The following SIRT4 variants were observed in gnomAD, a reference collection of about 807,000 sequenced individuals.
The protein encoded by SIRT4 is sirtuin 4, also known as NAD-dependent protein lipoamidase sirtuin-4, mitochondrial.
In SIRT4, 23 loss-of-function variants were observed where a neutral mutation model predicts 26.1. The observed-to-expected ratio is 0.88, with a 90% CI of 0.63 to 1.25. The LOEUF is 1.25. Among genes scored for constraint, SIRT4 ranks in the 50% most tolerant of loss-of-function variants. The pLI is 0.00. For missense variants in SIRT4, 361 were observed against 405.4 expected (o/e 0.89, Z 0.94); for synonymous variants, 155 against 158.4 (o/e 0.98, Z 0.16).
chr12:120,292,226 C>T, the SIRT4 span, among the ~76,000 whole-genome samples: 1 of 152,116 alleles, frequency 6.6e-6, no homozygotes, highest in African/African-American at 2.4e-5. Flanking sequence ...CGCAGACGGA[C>T]GACTAGCTGT....
chr12:120,307,048 A>G (rs1163709445), intron 2 of SIRT4, among the ~76,000 whole-genome samples: 1 of 152,180 alleles, frequency 6.6e-6, no homozygotes, highest in Non-Finnish European at 1.5e-5. Context: ...TTGGAGACTT[A>G]TTTCTTTAAG....
intron 2 of SIRT4, among the ~76,000 whole-genome samples, chr12:120,308,258 C>G (rs890619940): frequency 3.3e-5 from 5 of 150,738 alleles, no homozygotes; most frequent in Non-Finnish European, 7.4e-5. Flanking sequence ...CAACCTCCGC[C>G]TCCTGGGTTC....
intron 2 of SIRT4, among the ~76,000 whole-genome samples, chr12:120,309,717 T>TC (rs1193726197): frequency 2.6e-4 from 38 of 145,198 alleles, no homozygotes; most frequent in African/African-American, 8.6e-4. Context: ...CCGCTTTCTT[T>TC]TTTTTTTTTT....
At chr12:120,296,756 C>T in the SIRT4 span, among the ~76,000 whole-genome samples, 1 of 151,550 alleles carries the variant, frequency 6.6e-6, no homozygotes, top group African/African-American at 2.4e-5. Flanking sequence ...GTGATCCGCC[C>T]GCCTCGGCCT....
At chr12:120,305,357 C>G (rs1179174855) in intron 2 of SIRT4, among the ~76,000 whole-genome samples, 1 of 151,822 alleles carries the variant, frequency 6.6e-6, no homozygotes, top group Non-Finnish European at 1.5e-5. Flanking sequence ...CTCAAGTGAT[C>G]CTTTCACCCC....
Position 120,312,843 on chromosome 12 carries a change from G to C in SIRT4, c.793-41G>C, listed in dbSNP as rs200508023. On this transcript the variant is annotated intron_variant, in intron 3 of 3. Coordinates refer to ENST00000202967, the MANE Select transcript of SIRT4 (RefSeq NM_012240.3). ...TTTGGTTTAACTTTTTCTAGATCTA[G>C]AGAACCTAGACATTCTTATGTGTGT... 103 of 1,611,074 alleles carry C rather than the reference G, an allele frequency of 6.4e-5. 1 individual carries two copies. The African/African-American group carries it at 1.2e-3, about 19-fold the overall frequency.
the SIRT4 span, among the ~76,000 whole-genome samples, chr12:120,295,639 C>A: frequency 6.6e-6 from 1 of 151,502 alleles, no homozygotes; most frequent in Non-Finnish European, 1.5e-5. Flanking sequence ...GGTTTGGACA[C>A]CTTAATTCAA....
chr12:120,292,061 CCCGTGTCAAA>C, the SIRT4 span, among the ~76,000 whole-genome samples: 1 of 152,164 alleles, frequency 6.6e-6, no homozygotes, highest in Non-Finnish European at 1.5e-5. Flanking sequence ...GTTGGAACAT[CCCGTGTCAAA>C]CATTCAGGTT....
chr12:120,294,325 C>T, the SIRT4 span, among the ~76,000 whole-genome samples: 2 of 146,654 alleles, frequency 1.4e-5, no homozygotes, highest in Non-Finnish European at 3.0e-5. Flanking sequence ...TTTTTTGAGA[C>T]GAAGTTTTGC....
At chr12:120,310,332 C>T (rs1872911346) in intron 2 of SIRT4, among the ~76,000 whole-genome samples, 1 of 152,036 alleles carries the variant, frequency 6.6e-6, no homozygotes, top group African/African-American at 2.4e-5. Flanking sequence ...CGCCATTGCA[C>T]TCCAGCCTGG....
Position 120,303,982 on chromosome 12 carries a change from G to C in SIRT4, c.421G>C (p.Val141Leu), listed in dbSNP as rs1301728475. Residue 141 changes from valine to leucine, a missense_variant, in exon 2 of 4, where the codon GTG (valine) becomes CTG (leucine). By Grantham distance (32) the Val-to-Leu change is conservative. Transcript: ENST00000202967. ...GAAACTCGGAAAGCTGTACTGGTTG[G>C]TGACCCAAAATGTGGATGCTTTGCA... ...WEKLGKLYWL[V>L]TQNVDALHTK... 2.5e-6 allele frequency: 4 copies of C among 1,614,002 alleles called. No homozygotes were observed. Among genetic ancestry groups the C allele is most frequent in the Non-Finnish European group, 3.4e-6 (4 of 1,180,044 alleles).
chr12:120,304,635 AAAAAAAAG>A (rs896759509), intron 2 of SIRT4, among the ~76,000 whole-genome samples: 2 of 150,698 alleles, frequency 1.3e-5, no homozygotes, highest in African/African-American at 4.9e-5. Flanking sequence ...CAACAGTGCA[AAAAAAAAG>A]AAAAAAAGAA....
the SIRT4 span, among the ~76,000 whole-genome samples, chr12:120,293,475 C>A: frequency 1.3e-5 from 2 of 152,162 alleles, no homozygotes; most frequent in African/African-American, 4.8e-5. Context: ...AGACTTAATT[C>A]AGAGACTGCG....
Position 120,303,883 on chromosome 12 carries a change from A to G in SIRT4, c.322A>G (p.Arg108Gly). The G allele has an allele frequency of 6.2e-7, 1 of 1,614,204 alleles. No individual in the cohort carries two copies. The highest frequency in any genetic ancestry group is 8.5e-7 in the Non-Finnish European group (1 of 1,180,034). Residue 108 changes from arginine (R) to glycine (G), a missense_variant, in exon 2 of 4, where the codon AGA (arginine) becomes GGA (glycine). Arg to Gly is a moderately radical substitution (Grantham distance 125). Transcript: ENST00000202967. The part of the protein sequence containing the change: ...SAPIRQRYWA[R>G]NFVGWPQFSS... ...CCCAATCCGCCAGCGGTACTGGGCG[A>G]GAAACTTCGTAGGCTGGCCTCAATT... is the stretch of plus-strand genomic sequence containing the variant.
At chr12:120,311,388 A>C (rs1872965715) in intron 2 of SIRT4, among the ~76,000 whole-genome samples, 1 of 150,910 alleles carries the variant, frequency 6.6e-6, no homozygotes, top group Non-Finnish European at 1.5e-5. Flanking sequence ...AAAAATAAAA[A>C]CAGACACAAA....
chr12:120,302,886 A>T (rs978506210), intron 1 of SIRT4, among the ~76,000 whole-genome samples: 3 of 150,500 alleles, frequency 2.0e-5, no homozygotes, highest in Non-Finnish European at 3.0e-5. Context: ...TGCCCGGCTA[A>T]TTTTTTTTGT....
At chr12:120,296,550 T>G in the SIRT4 span, among the ~76,000 whole-genome samples, 1 of 148,944 alleles carries the variant, frequency 6.7e-6, no homozygotes, top group African/African-American at 2.5e-5. Context: ...CTCAGTCGCT[T>G]AGGTTGGAGC....
Position 120,303,865 on chromosome 12 carries a change from C to A in SIRT4, c.304C>A (p.Arg102Ser). 6.2e-7 allele frequency: 1 copy of A among 1,614,198 alleles called. No individual in the cohort carries two copies. Among genetic ancestry groups the A allele is most frequent in the Non-Finnish European group, 8.5e-7 (1 of 1,180,046 alleles). ...HGDFVRSAPI[R>S]QRYWARNFVG... The stretch of plus-strand genomic sequence containing the variant: ...TGATTTTGTCCGGAGTGCCCCAATC[C>A]GCCAGCGGTACTGGGCGAGAAACTT... Residue 102 changes from arginine (R) to serine (S), a missense_variant, in exon 2 of 4, where the codon CGC becomes AGC. Transcript: ENST00000202967.
At chr12:120,294,783 G>T in the SIRT4 span, among the ~76,000 whole-genome samples, 5 of 151,214 alleles carry the variant, frequency 3.3e-5, no homozygotes, top group Admixed American at 2.0e-4. Flanking sequence ...CTCCCAAAGT[G>T]CTGGGACTAT....
Sources: gnomAD v4.1 joint callset for allele counts (sites outside exome capture counted in the v4.1 genomes callset) on GRCh38, gnomAD v4.1.1 for gene constraint, MANE v1.5 for transcripts, NCBI Gene and HGNC (gene_info 2026-07-23, HGNC 2026-07-21) for gene names.